The following NALF1 variants were observed in gnomAD, a reference collection of about 807,000 sequenced individuals.
The protein encoded by NALF1 is family with sequence similarity 155 member A.
NALF1 carries 3 observed loss-of-function variants against 48.4 expected under a neutral mutation model. The ratio of observed to expected loss-of-function variants is 0.06; its 90% CI spans 0.03 to 0.16. The LOEUF (loss-of-function observed/expected upper bound fraction) is 0.16, where lower values mean the gene tolerates loss of function less well. Ranked by LOEUF, NALF1 falls within the 10% of genes least tolerant of loss-of-function variation. NALF1 has a pLI of 1.00. For synonymous variants in NALF1, 262 were observed against 245.7 expected (o/e 1.07, Z -0.62); for missense variants, 526 against 571.5 (o/e 0.92, Z 0.81).
At chr13:107,347,249 T>C (rs1211068461) in intron 1 of NALF1, among the ~76,000 whole-genome samples, 1 of 152,208 alleles carries the variant, frequency 6.6e-6, no homozygotes, top group Non-Finnish European at 1.5e-5. Flanking sequence ...CCACCTGCCT[T>C]GGGGTCACAT....
chr13:107,832,295 T>A (rs1879759030), intron 1 of NALF1, among the ~76,000 whole-genome samples: 1 of 151,880 alleles, frequency 6.6e-6, no homozygotes, highest in South Asian at 2.1e-4. Context: ...ATATTATATA[T>A]CATTCATAGG....
intron 1 of NALF1, among the ~76,000 whole-genome samples, chr13:107,251,164 G>A (rs7327157): frequency 1.3e-5 from 2 of 151,894 alleles, no homozygotes; most frequent in African/African-American, 4.8e-5. Flanking sequence ...AACAAACCAG[G>A]AACTGCTGTA....
At chr13:107,362,000 G>A (rs1883069498) in intron 1 of NALF1, among the ~76,000 whole-genome samples, 2 of 152,114 alleles carry the variant, frequency 1.3e-5, no homozygotes, top group African/African-American at 2.4e-5. Context: ...GTTCTGAGAT[G>A]TTCTGGGATG....
At chr13:107,739,622 C>A (rs1161664893) in intron 1 of NALF1, among the ~76,000 whole-genome samples, 1 of 151,964 alleles carries the variant, frequency 6.6e-6, no homozygotes, top group East Asian at 1.9e-4. Flanking sequence ...CCCGAACATA[C>A]AAAGTATAAT....
chr13:107,397,193 T>A (rs1243285118), intron 1 of NALF1, among the ~76,000 whole-genome samples: 1 of 152,152 alleles, frequency 6.6e-6, no homozygotes, highest in African/African-American at 2.4e-5. Flanking sequence ...AGTCCATGCA[T>A]AAGAGCCTAC....
chr13:107,360,018 T>C (rs980702599), intron 1 of NALF1, among the ~76,000 whole-genome samples: 1 of 152,198 alleles, frequency 6.6e-6, no homozygotes, highest in Non-Finnish European at 1.5e-5. Flanking sequence ...GGTTATGCTA[T>C]TGCAAAGCCA....
intron 1 of NALF1, among the ~76,000 whole-genome samples, chr13:107,674,802 G>C: frequency 6.6e-6 from 1 of 152,180 alleles, no homozygotes; most frequent in African/African-American, 2.4e-5. Flanking sequence ...AGAGACCAGG[G>C]AAAAGTCCAG....
intron 1 of NALF1, among the ~76,000 whole-genome samples, chr13:107,728,839 T>C (rs971299324): frequency 3.9e-5 from 6 of 152,078 alleles, no homozygotes; most frequent in Non-Finnish European, 8.8e-5. Context: ...ATAGCTGAGA[T>C]GTCAAGTTTG....
chr13:107,492,837 AC>A (rs751880450), intron 1 of NALF1, among the ~76,000 whole-genome samples: 8 of 152,324 alleles, frequency 5.3e-5, no homozygotes, highest in Admixed American at 2.6e-4. Context: ...AAGGAAAAAA[AC>A]GTACACAATT....
chr13:107,569,100 A>G (rs1174548306), intron 1 of NALF1, among the ~76,000 whole-genome samples: 1 of 152,142 alleles, frequency 6.6e-6, no homozygotes, highest in Non-Finnish European at 1.5e-5. Flanking sequence ...TGGGATTCAT[A>G]TAAAGTGTGA....
chr13:107,633,023 T>C (rs1396352956), intron 1 of NALF1, among the ~76,000 whole-genome samples: 3 of 152,086 alleles, frequency 2.0e-5, no homozygotes, highest in Non-Finnish European at 2.9e-5. Flanking sequence ...ATGATGCATT[T>C]TTAGAAAGAG....
chr13:107,732,761 A>G (rs1439125637), intron 1 of NALF1, among the ~76,000 whole-genome samples: 2 of 152,150 alleles, frequency 1.3e-5, no homozygotes, highest in African/African-American at 4.8e-5. Context: ...GCTATGATAG[A>G]TAAGCTTGCA....
At chr13:107,420,730 C>T (rs1304910148) in intron 1 of NALF1, among the ~76,000 whole-genome samples, 4 of 152,124 alleles carry the variant, frequency 2.6e-5, no homozygotes, top group African/African-American at 9.7e-5. Context: ...ACAAATTCAT[C>T]GAGTACATGT....
intron 1 of NALF1, among the ~76,000 whole-genome samples, chr13:107,383,067 T>C (rs1883468747): frequency 6.6e-6 from 1 of 152,212 alleles, no homozygotes; most frequent in Non-Finnish European, 1.5e-5. Context: ...GGGGTTTAAA[T>C]ACTGCAAGTT....
At chr13:107,842,032 CAT>C in intron 1 of NALF1, among the ~76,000 whole-genome samples, 1 of 151,880 alleles carries the variant, frequency 6.6e-6, no homozygotes, top group Admixed American at 6.6e-5. Flanking sequence ...CTTGAAGTAT[CAT>C]ATTCATTTAT....
chr13:107,765,430 T>C (rs1387608560), intron 1 of NALF1, among the ~76,000 whole-genome samples: 1 of 152,166 alleles, frequency 6.6e-6, no homozygotes, highest in Non-Finnish European at 1.5e-5. Context: ...GGGACAATAT[T>C]ATAGAGTTAT....
At chr13:107,332,970 A>G (rs1442486511) in intron 1 of NALF1, among the ~76,000 whole-genome samples, 1 of 151,944 alleles carries the variant, frequency 6.6e-6, no homozygotes, top group Non-Finnish European at 1.5e-5. Flanking sequence ...CTCAGCCCCC[A>G]GAGTAGCTGG....
chr13:107,405,031 C>A (rs986917549), intron 1 of NALF1, among the ~76,000 whole-genome samples: 2 of 152,002 alleles, frequency 1.3e-5, no homozygotes, highest in Non-Finnish European at 2.9e-5. Flanking sequence ...TTACAATTAT[C>A]CTTTCAAACC....
chr13:107,600,991 C>T (rs1261564251), intron 1 of NALF1, among the ~76,000 whole-genome samples: 1 of 146,170 alleles, frequency 6.8e-6, no homozygotes, highest in Non-Finnish European at 1.5e-5. Flanking sequence ...TAAAGGAAAA[C>T]AGATATAAGG....
Sources: gnomAD v4.1 joint callset for allele counts (sites outside exome capture counted in the v4.1 genomes callset) on GRCh38, gnomAD v4.1.1 for gene constraint, MANE v1.5 for transcripts, NCBI Gene and HGNC (gene_info 2026-07-23, HGNC 2026-07-21) for gene names.